GRM3: variants seen among roughly 807,000 people sequenced by gnomAD.
The protein encoded by GRM3 is metabotropic glutamate receptor 3.
In GRM3, 26 loss-of-function variants were observed where a neutral mutation model predicts 70.5. That is an observed-to-expected ratio of 0.37 (90% CI 0.27 to 0.51). The LOEUF (loss-of-function observed/expected upper bound fraction) is 0.51, where lower values mean the gene tolerates loss of function less well. Ranked by LOEUF, GRM3 falls within the 20% of genes least tolerant of loss-of-function variation. The pLI, the probability that GRM3 is intolerant of heterozygous loss-of-function variation, is 0.93. For synonymous variants in GRM3, 443 were observed against 434.9 expected, an observed-to-expected ratio of 1.02 and a Z score of -0.23; for missense variants, 859 against 1,123.8, an observed-to-expected ratio of 0.76 and a Z score of 3.37.
At chr7:86,834,955 T>A (rs534953024) in intron 3 of GRM3, among the ~76,000 whole-genome samples, 1 of 152,194 alleles carries the variant, frequency 6.6e-6, no homozygotes, top group South Asian at 2.1e-4. Context: ...TAAACAAATT[T>A]AGTTTTATGT....
intron 1 of GRM3, 21 bp from the exon 2 acceptor site, chr7:86,764,985 A>G (rs1368648220): frequency 7.0e-7 from 1 of 1,435,300 alleles, no homozygotes; most frequent in African/African-American, 1.4e-5. Context: ...ATTTTTGTTC[A>G]TATAATTTTT....
At chr7:86,758,307 TG>T (rs1796396731) in intron 1 of GRM3, among the ~76,000 whole-genome samples, 1 of 152,206 alleles carries the variant, frequency 6.6e-6, no homozygotes, top group Non-Finnish European at 1.5e-5. Context: ...TTCACCATTT[TG>T]TCCAGAGCTA....
chr7:86,657,277 T>C (rs1015184051), intron 1 of GRM3, among the ~76,000 whole-genome samples: 3 of 152,186 alleles, frequency 2.0e-5, no homozygotes, highest in Admixed American at 2.0e-4. Context: ...TAAAATCTTA[T>C]AGGAGAGATG....
At chr7:86,833,784 AT>A in intron 3 of GRM3, among the ~76,000 whole-genome samples, 1 of 152,270 alleles carries the variant, frequency 6.6e-6, no homozygotes, top group East Asian at 1.9e-4. Flanking sequence ...AAGGATCTTT[AT>A]TACAAGCTAA....
intron 1 of GRM3, among the ~76,000 whole-genome samples, chr7:86,691,099 C>T (rs1172378163): frequency 1.3e-5 from 2 of 152,134 alleles, no homozygotes; most frequent in Non-Finnish European, 2.9e-5. Context: ...CTCTGAATTT[C>T]ACACTCCCTA....
At chr7:86,773,039 T>A (rs1796786440) in intron 2 of GRM3, among the ~76,000 whole-genome samples, 1 of 151,910 alleles carries the variant, frequency 6.6e-6, no homozygotes, top group South Asian at 2.1e-4. Context: ...AATATGTAGG[T>A]TTGTTACATA....
At chr7:86,833,275 C>T (rs912815611) in intron 3 of GRM3, 17 of 150,546 alleles carry the variant, frequency 1.1e-4, no homozygotes, top group Non-Finnish European at 2.2e-4. Flanking sequence ...AGGGATAGCA[C>T]TGGGAGATAT....
intron 3 of GRM3, among the ~76,000 whole-genome samples, chr7:86,792,177 C>T (rs1429897500): frequency 6.6e-6 from 1 of 152,128 alleles, no homozygotes; most frequent in African/African-American, 2.4e-5. Flanking sequence ...TATCCTGAGA[C>T]CAGTTCCAGA....
intron 3 of GRM3, among the ~76,000 whole-genome samples, chr7:86,817,787 A>G (rs1157464335): frequency 2.6e-5 from 4 of 152,012 alleles, no homozygotes; most frequent in Admixed American, 2.6e-4. Flanking sequence ...CTCTGCCTTC[A>G]TGGAAGTTAC....
chr7:86,658,169 G>A (rs532285421), intron 1 of GRM3, among the ~76,000 whole-genome samples: 12 of 152,248 alleles, frequency 7.9e-5, no homozygotes, highest in Admixed American at 2.0e-4. Flanking sequence ...CTTGACCTTC[G>A]TCTTATACCC....
At chr7:86,810,583 G>T (rs1338701814) in intron 3 of GRM3, among the ~76,000 whole-genome samples, 3 of 151,912 alleles carry the variant, frequency 2.0e-5, no homozygotes, top group African/African-American at 7.2e-5. Context: ...CTTCTTTCTT[G>T]AAGACAATCT....
chr7:86,726,479 A>C (rs1282079076), intron 1 of GRM3, among the ~76,000 whole-genome samples: 2 of 152,148 alleles, frequency 1.3e-5, no homozygotes, highest in African/African-American at 4.8e-5. Context: ...AGTACTCAAT[A>C]CTGTTTCATG....
chr7:86,853,919 A>T (rs1255951514), intron 5 of GRM3, among the ~76,000 whole-genome samples: 3 of 152,112 alleles, frequency 2.0e-5, no homozygotes, highest in Non-Finnish European at 4.4e-5. Context: ...TTTCACTCTT[A>T]TTCCTGGCAT....
At chr7:86,828,266 C>T (rs932615865) in intron 3 of GRM3, among the ~76,000 whole-genome samples, 13 of 151,784 alleles carry the variant, frequency 8.6e-5, no homozygotes, top group African/African-American at 3.1e-4. Flanking sequence ...AAAATCACAA[C>T]GAGATACCGG....
At chr7:86,779,570 G>A (rs776281240) in intron 2 of GRM3, among the ~76,000 whole-genome samples, 86 of 152,168 alleles carry the variant, frequency 5.7e-4, no homozygotes, top group Non-Finnish European at 8.2e-4. Flanking sequence ...AGAGATTAAC[G>A]AGAGTTCTCA....
In GRM3 at chr7:86,863,156, C is replaced by T. The variant is rs903335453; in HGVS notation, c.2567-1126C>T. ...TGGTTTCAGTCCATAGAGAATGGGG[C>T]TCCTTGCTTTTGTTCTCATTCAGTG... On this transcript the variant is annotated intron_variant, in intron 5 of 5. Coordinates refer to ENST00000361669, the MANE Select transcript of GRM3 (RefSeq NM_000840.3). Among the ~76,000 whole-genome samples, 6 of 152,216 alleles carry T rather than the reference C, an allele frequency of 3.9e-5. No homozygotes were observed. The East Asian group carries it at 1.2e-3, about 29-fold the overall frequency.
chr7:86,766,032 T>A (rs1796593088), intron 2 of GRM3, among the ~76,000 whole-genome samples: 1 of 152,128 alleles, frequency 6.6e-6, no homozygotes, highest in Non-Finnish European at 1.5e-5. Context: ...TGCAAGAGAA[T>A]GCAAACTCAG....
At chr7:86,814,198 G>A (rs939855501) in intron 3 of GRM3, among the ~76,000 whole-genome samples, 1 of 151,794 alleles carries the variant, frequency 6.6e-6, no homozygotes, top group African/African-American at 2.4e-5. Context: ...GCAGTCTCCA[G>A]TGATGGATTT....
Position 86,816,721 on chromosome 7 carries a change from T to A in GRM3, c.1325-22118T>A, listed in dbSNP as rs183839250. ...GATGGGCATTTTGGTTGATTCCATG[T>A]CTTTGCTGTTGTGAATAGTGCTGCG... On this transcript the variant is annotated intron_variant, in intron 3 of 5. Coordinates refer to ENST00000361669, the MANE Select transcript of GRM3 (RefSeq NM_000840.3). Among the ~76,000 whole-genome samples the A allele has an allele frequency of 1.1e-4, 16 of 152,108 alleles. No homozygotes were observed. The East Asian group carries it at 1.4e-3, about 13-fold the overall frequency.
Sources: gnomAD v4.1 joint callset for allele counts (sites outside exome capture counted in the v4.1 genomes callset) on GRCh38, gnomAD v4.1.1 for gene constraint, MANE v1.5 for transcripts, NCBI Gene and HGNC (gene_info 2026-07-23, HGNC 2026-07-21) for gene names.